Variants in PSME4 observed in about 807,000 individuals in gnomAD.
The protein encoded by PSME4 is proteasome activator complex subunit 4.
In PSME4, 89 loss-of-function variants were observed where a neutral mutation model predicts 253.9. The observed-to-expected ratio is 0.35, with a 90% CI of 0.30 to 0.42. The LOEUF (loss-of-function observed/expected upper bound fraction) is 0.42. PSME4 is among the 10% of genes least tolerant of loss of function. The probability of loss-of-function intolerance (pLI) is 1.00; values close to 1 mark genes in which losing one functional copy is unlikely to be tolerated. For synonymous variants in PSME4, 851 were observed against 759.2 expected (o/e 1.12, Z -1.99); for missense variants, 2,014 against 2,195.2 (o/e 0.92, Z 1.65).
intron 40 of PSME4, among the ~76,000 whole-genome samples, chr2:53,886,830 A>T (rs1679660961): frequency 6.7e-6 from 1 of 149,512 alleles, no homozygotes; most frequent in African/African-American, 2.6e-5. Flanking sequence ...AATGGGTAAC[A>T]GATTAAGGAC....
chr2:53,967,595 C>T (rs1670798322), intron 1 of PSME4, among the ~76,000 whole-genome samples: 1 of 129,142 alleles, frequency 7.7e-6, no homozygotes, highest in South Asian at 2.6e-4. Flanking sequence ...TTGCAGTGAG[C>T]CACGATAGTG....
rs1162336958 is a variant in PSME4 at position 53,931,832 on chromosome 2, T to TAG, written c.1316+2_1316+3insCT. On this transcript the variant is annotated splice_region_variant and intron_variant, in intron 10 of 46. Transcript: ENST00000404125. ...GTGGCTGAGACTCCCACTAACCACT[T>TAG]ACCTTTCAAGTACAGGGGGTATTAC... 6.2e-7 allele frequency: 1 copy of TAG among 1,613,674 alleles called. No homozygotes were observed.
chr2:53,930,107 A>G (rs1668756999), intron 10 of PSME4, among the ~76,000 whole-genome samples: 1 of 152,108 alleles, frequency 6.6e-6, no homozygotes, highest in Non-Finnish European at 1.5e-5. Context: ...TACAACTGAA[A>G]GTCTCAAAAA....
In PSME4 at chr2:53,925,588, G is replaced by A; in HGVS notation, c.1760C>T (p.Ser587Phe). 1 of 1,608,254 alleles carries A rather than the reference G, an allele frequency of 6.2e-7. No homozygotes were observed. Among genetic ancestry groups the A allele is most frequent in the Non-Finnish European group, 8.5e-7 (1 of 1,175,202 alleles). The change falls in exon 14 of 47, where the codon TCT becomes TTT. Residue 587 changes from serine (S) to phenylalanine (F), a missense_variant. Transcript: ENST00000404125. ...GGTGAGGATTGTACTAAACGTAGAAGACAGACCTAATTCGACCAAACTCTC... is the reference window on the plus strand; with the variant it reads ...GGTGAGGATTGTACTAAACGTAGAAAACAGACCTAATTCGACCAAACTCTC... ...HLESLVELGL[S>F]STFSTILTQC...
chr2:53,945,253 T>TGGGA (rs1309215879), intron 3 of PSME4, among the ~76,000 whole-genome samples: 2 of 152,234 alleles, frequency 1.3e-5, no homozygotes, highest in East Asian at 3.8e-4. Context: ...AGTAAGTGTA[T>TGGGA]GGGACATTGT....
chr2:53,945,584 G>A (rs1350845169), intron 3 of PSME4, among the ~76,000 whole-genome samples: 1 of 152,128 alleles, frequency 6.6e-6, no homozygotes, highest in Non-Finnish European at 1.5e-5. Context: ...GGGAAGAGAG[G>A]AAAGTTGATA....
At chr2:53,923,167 A>G in intron 15 of PSME4, 49 bp from the exon 16 acceptor site, 1 of 1,513,670 alleles carries the variant, frequency 6.6e-7, no homozygotes, top group Non-Finnish European at 9.0e-7. Flanking sequence ...GCAAATATAT[A>G]CAAGATTATA....
At chr2:53,955,469 A>T (rs1670188802) in intron 1 of PSME4, among the ~76,000 whole-genome samples, 1 of 152,198 alleles carries the variant, frequency 6.6e-6, no homozygotes, top group Non-Finnish European at 1.5e-5. Flanking sequence ...AGGGAGGCTA[A>T]AAGATTAGAC....
intron 41 of PSME4, among the ~76,000 whole-genome samples, chr2:53,880,379 G>C (rs1226018287): frequency 1.3e-5 from 2 of 151,996 alleles, no homozygotes; most frequent in East Asian, 3.9e-4. Flanking sequence ...AGGATTGCTT[G>C]AGCCCAGGAG....
At chr2:53,936,991 G>A (rs186989655) in intron 5 of PSME4, among the ~76,000 whole-genome samples, 164 bp from the exon 6 acceptor site, 30 of 152,240 alleles carry the variant, frequency 2.0e-4, no homozygotes, top group African/African-American at 6.3e-4. Context: ...GGTATTTCTT[G>A]TCTGAATATT....
intron 5 of PSME4, among the ~76,000 whole-genome samples, chr2:53,937,173 T>C (rs1669164317): frequency 6.6e-6 from 1 of 152,186 alleles, no homozygotes; most frequent in Non-Finnish European, 1.5e-5. Flanking sequence ...TTTTTCTTTC[T>C]CTTAATTTCT....
At chr2:53,940,888 C>T (rs896424293) in intron 3 of PSME4, among the ~76,000 whole-genome samples, 2 of 130,454 alleles carry the variant, frequency 1.5e-5, no homozygotes, top group Non-Finnish European at 3.2e-5. Flanking sequence ...ATATATAATA[C>T]ATATTTAAAT....
chr2:53,883,883 TG>T (rs1455330809), intron 41 of PSME4, among the ~76,000 whole-genome samples: 4 of 152,198 alleles, frequency 2.6e-5, no homozygotes, highest in African/African-American at 9.7e-5. Flanking sequence ...CACTGAACTC[TG>T]AATGTTTATC....
chr2:53,946,325 G>A (rs968215014), intron 3 of PSME4, among the ~76,000 whole-genome samples: 7 of 152,170 alleles, frequency 4.6e-5, no homozygotes, highest in African/African-American at 1.7e-4. Flanking sequence ...TTCAGAAGCA[G>A]CCAAAATTAT....
At chr2:53,898,109 T>A in intron 30 of PSME4, 110 bp from the exon 31 acceptor site, 2 of 1,345,334 alleles carry the variant, frequency 1.5e-6, no homozygotes, top group Non-Finnish European at 2.0e-6. Flanking sequence ...TTAAAATAGG[T>A]CTAGTGAAGA....
At chr2:53,888,913 C>T (rs1481268501) in intron 37 of PSME4, 101 bp from the exon 38 acceptor site, 1 of 955,130 alleles carries the variant, frequency 1.0e-6, no homozygotes. Context: ...GAGGCTAGGT[C>T]TAACTCTGTT....
chr2:53,891,075 A>T (rs1679884149), intron 36 of PSME4, among the ~76,000 whole-genome samples: 1 of 152,196 alleles, frequency 6.6e-6, no homozygotes, highest in Non-Finnish European at 1.5e-5. Context: ...TGTTCTTAAA[A>T]ATCTTGTATA....
At chr2:53,952,266 T>C (rs936400047) in intron 1 of PSME4, among the ~76,000 whole-genome samples, 8 of 151,668 alleles carry the variant, frequency 5.3e-5, no homozygotes, top group Admixed American at 2.0e-4. Flanking sequence ...TGGTGAAACT[T>C]TGTCTCTACT....
At position 53,927,414 on chromosome 2, in the gene PSME4, C is replaced by T. The variant is rs1411862233; in HGVS notation, c.1573G>A (p.Glu525Lys). Residue 525 changes from glutamate to lysine, a missense_variant, in exon 12 of 47, where the codon GAA becomes AAA. This residue lies in a region of PSME4 where 989 missense variants were observed against 1,021.1 expected (regional missense o/e 0.97). Transcript: ENST00000404125. Reference sequence around the variant, plus strand: ...CTTACTTCTGTGAGGTCATTTCTTTCTTGTAGTACAGATGAACAATCTACT... The same window carrying T: ...CTTACTTCTGTGAGGTCATTTCTTTTTTGTAGTACAGATGAACAATCTACT... ...PLVDCSSVLQERNDLTEVERE... is the reference protein window; with the variant it reads ...PLVDCSSVLQKRNDLTEVERE... The T allele has an allele frequency of 6.3e-7, 1 of 1,581,776 alleles. No homozygotes were observed. The highest frequency in any genetic ancestry group is 1.3e-5 in the African/African-American group (1 of 74,150).
Sources: allele counts gnomAD v4.1 joint callset (sites outside exome capture counted in the v4.1 genomes callset), GRCh38; gene constraint gnomAD v4.1.1; regional missense constraint gnomAD v4.1.1; transcripts MANE v1.5; gene names NCBI Gene and HGNC (gene_info 2026-07-23, HGNC 2026-07-21).